The following DIAPH3 variants were observed in gnomAD, a reference collection of about 807,000 sequenced individuals.
DIAPH3 encodes the protein protein diaphanous homolog 3.
In DIAPH3, 117 loss-of-function variants were observed where a neutral mutation model predicts 144.3. The ratio of observed to expected loss-of-function variants is 0.81; its 90% CI spans 0.70 to 0.95. The LOEUF (loss-of-function observed/expected upper bound fraction) is 0.95, where lower values mean the gene tolerates loss of function less well. DIAPH3 is among the 40% of genes least tolerant of loss of function. The probability of loss-of-function intolerance (pLI) is 0.00; values close to 1 mark genes in which losing one functional copy is unlikely to be tolerated. For synonymous variants in DIAPH3, 519 were observed against 488.9 expected (o/e 1.06, Z -0.81); for missense variants, 1,421 against 1,412.7 (o/e 1.01, Z -0.09).
chr13:59,827,106 C>T (rs535093155), intron 24 of DIAPH3, among the ~76,000 whole-genome samples: 1 of 152,268 alleles, frequency 6.6e-6, no homozygotes, highest in Non-Finnish European at 1.5e-5. Context: ...CATTACCATT[C>T]ACGACATAGG....
intron 1 of DIAPH3, among the ~76,000 whole-genome samples, chr13:60,142,715 T>C (rs2059451151): frequency 6.6e-6 from 1 of 152,166 alleles, no homozygotes; most frequent in Admixed American, 6.5e-5. Context: ...AATCTCTGAT[T>C]TACCTCAGCA....
intron 20 of DIAPH3, among the ~76,000 whole-genome samples, chr13:59,883,531 A>G (rs1328208755): frequency 6.6e-6 from 1 of 152,128 alleles, no homozygotes; most frequent in Admixed American, 6.6e-5. Context: ...GCTGACTGGG[A>G]AGTTACTGGC....
chr13:59,929,861 A>T (rs1292237007), intron 17 of DIAPH3, among the ~76,000 whole-genome samples: 2 of 152,060 alleles, frequency 1.3e-5, no homozygotes, highest in Non-Finnish European at 2.9e-5. Context: ...GTGAGCCACC[A>T]TGCCCGGCCC....
At chr13:60,055,817 G>A (rs1477084436) in intron 4 of DIAPH3, among the ~76,000 whole-genome samples, 1 of 151,860 alleles carries the variant, frequency 6.6e-6, no homozygotes, top group African/African-American at 2.4e-5. Context: ...TACCTTCGGG[G>A]TGGATGGGAA....
intron 1 of DIAPH3, among the ~76,000 whole-genome samples, chr13:60,140,787 T>C (rs1486588308): frequency 6.6e-6 from 1 of 151,648 alleles, no homozygotes; most frequent in Non-Finnish European, 1.5e-5. Context: ...CAAATAAAAA[T>C]GTATGTATTA....
At chr13:59,900,901 T>A (rs2046393532) in intron 20 of DIAPH3, among the ~76,000 whole-genome samples, 1 of 152,154 alleles carries the variant, frequency 6.6e-6, no homozygotes, top group Non-Finnish European at 1.5e-5. Flanking sequence ...CTTATCTAAT[T>A]TTACAGCCTA....
At chr13:59,979,426 G>C (rs1017672768) in intron 14 of DIAPH3, among the ~76,000 whole-genome samples, 30 of 151,636 alleles carry the variant, frequency 2.0e-4, no homozygotes, top group African/African-American at 5.8e-4. Context: ...CCCACAACAT[G>C]AACATCTATC....
chr13:59,880,275 C>T (rs1286548190), intron 20 of DIAPH3, among the ~76,000 whole-genome samples: 1 of 152,062 alleles, frequency 6.6e-6, no homozygotes, highest in African/African-American at 2.4e-5. Context: ...TGAAGACATA[C>T]CACATATGAA....
chr13:60,106,407 G>C (rs2058423064), intron 3 of DIAPH3, among the ~76,000 whole-genome samples: 1 of 152,116 alleles, frequency 6.6e-6, no homozygotes, highest in South Asian at 2.1e-4. Flanking sequence ...ATCAGGCATA[G>C]AGATATATAT....
intron 4 of DIAPH3, among the ~76,000 whole-genome samples, chr13:60,048,291 C>G (rs2056180385): frequency 6.6e-6 from 1 of 152,124 alleles, no homozygotes. Flanking sequence ...AACTCAGGAC[C>G]CATGGAAGAC....
intron 27 of DIAPH3, among the ~76,000 whole-genome samples, chr13:59,760,405 T>C (rs1276156547): frequency 6.6e-6 from 1 of 152,244 alleles, no homozygotes; most frequent in Non-Finnish European, 1.5e-5. Context: ...ATGTGAGTAA[T>C]AAAAGAACTG....
At chr13:59,905,143 T>A (rs888093156) in intron 20 of DIAPH3, among the ~76,000 whole-genome samples, 3 of 151,324 alleles carry the variant, frequency 2.0e-5, no homozygotes, top group Non-Finnish European at 2.9e-5. Flanking sequence ...GAGATCGAGA[T>A]CATCCTGGCT....
intron 27 of DIAPH3, among the ~76,000 whole-genome samples, chr13:59,673,001 T>A (rs1811672237): frequency 6.6e-6 from 1 of 152,200 alleles, no homozygotes; most frequent in Non-Finnish European, 1.5e-5. Context: ...TTGTTCTGTA[T>A]CACTATCCTT....
chr13:60,112,307 C>A (rs1041004917), intron 2 of DIAPH3, 121 bp from the exon 3 acceptor site: 19 of 1,136,876 alleles, frequency 1.7e-5, no homozygotes, highest in Non-Finnish European at 2.3e-5. Flanking sequence ...CATCAAGAGG[C>A]ATTCAGCATT....
At chr13:59,792,376 CCT>C (rs1180638348) in intron 25 of DIAPH3, among the ~76,000 whole-genome samples, 1 of 152,174 alleles carries the variant, frequency 6.6e-6, no homozygotes. Flanking sequence ...ACAAGTCTAC[CCT>C]CTCATTCAGA....
chr13:59,799,594 T>C (rs1421391973), intron 25 of DIAPH3, among the ~76,000 whole-genome samples: 2 of 152,208 alleles, frequency 1.3e-5, no homozygotes, highest in Non-Finnish European at 2.9e-5. Context: ...ACTTGACATA[T>C]GTCATATCTT....
intron 21 of DIAPH3, among the ~76,000 whole-genome samples, chr13:59,861,977 C>T (rs1328693951): frequency 1.3e-5 from 2 of 152,240 alleles, no homozygotes; most frequent in South Asian, 2.1e-4. Flanking sequence ...AAAAAATATA[C>T]GTATTTGCCT....
At chr13:59,902,408 G>A (rs2046489996) in intron 20 of DIAPH3, among the ~76,000 whole-genome samples, 1 of 152,154 alleles carries the variant, frequency 6.6e-6, no homozygotes, top group Non-Finnish European at 1.5e-5. Flanking sequence ...TAAGTCTCCT[G>A]AGGCTTTCCC....
chr13:60,120,372 C>T (rs2058816013), intron 2 of DIAPH3, among the ~76,000 whole-genome samples: 2 of 152,276 alleles, frequency 1.3e-5, no homozygotes, highest in Non-Finnish European at 1.5e-5. Flanking sequence ...TCCTACCATC[C>T]GATCAACTGC....
Sources: allele counts gnomAD v4.1 joint callset (sites outside exome capture counted in the v4.1 genomes callset), GRCh38; gene constraint gnomAD v4.1.1; transcripts MANE v1.5; gene names NCBI Gene and HGNC (gene_info 2026-07-23, HGNC 2026-07-21).